The following SEC14L1 variants were observed in gnomAD, a reference collection of about 807,000 sequenced individuals.
SEC14L1 encodes the protein SEC14-like protein 1.
A neutral mutation model predicts 85.3 loss-of-function variants in SEC14L1; 48 were observed. The ratio of observed to expected loss-of-function variants is 0.56; its 90% CI spans 0.45 to 0.72. The LOEUF is 0.72. Ranked by LOEUF, SEC14L1 falls within the 30% of genes least tolerant of loss-of-function variation. The pLI is 0.00. For synonymous variants in SEC14L1, 391 were observed against 355.5 expected (o/e 1.10, Z -1.12); for missense variants, 682 against 921.4 (o/e 0.74, Z 3.36).
At chr17:77,186,929 T>C (rs968556230) in intron 3 of SEC14L1, among the ~76,000 whole-genome samples, 3 of 152,238 alleles carry the variant, frequency 2.0e-5, no homozygotes, top group Non-Finnish European at 4.4e-5. Flanking sequence ...AACTCTGTTT[T>C]TGGTTGTGAT....
intron 8 of SEC14L1, among the ~76,000 whole-genome samples, chr17:77,196,852 C>A (rs529443621): frequency 3.9e-5 from 6 of 152,338 alleles, no homozygotes; most frequent in African/African-American, 4.8e-5. Context: ...TAACTGAGTG[C>A]TGTTGAATAC....
chr17:77,207,029 A>G (rs1976496449), intron 13 of SEC14L1, among the ~76,000 whole-genome samples, 167 bp downstream of exon 13: 1 of 152,178 alleles, frequency 6.6e-6, no homozygotes, highest in African/African-American at 2.4e-5. Context: ...GCTAAAGAGA[A>G]CCATTGAAGT....
At chr17:77,116,519 C>G (rs1387895073) in intron 3 of SEC14L1, among the ~76,000 whole-genome samples, 3 of 152,048 alleles carry the variant, frequency 2.0e-5, no homozygotes, top group Admixed American at 1.3e-4. Flanking sequence ...AAGTAAAGTT[C>G]TGGAGTGGGA....
intron 3 of SEC14L1, among the ~76,000 whole-genome samples, chr17:77,163,712 G>A (rs528542405): frequency 6.6e-6 from 1 of 152,310 alleles, no homozygotes; most frequent in South Asian, 2.1e-4. Flanking sequence ...GATCAAAGGA[G>A]CGGCTCGCAG....
chr17:77,123,243 GATTCA>G (rs2099919881), intron 3 of SEC14L1, among the ~76,000 whole-genome samples: 1 of 151,334 alleles, frequency 6.6e-6, no homozygotes, highest in South Asian at 2.1e-4. Flanking sequence ...TAGAGATGGG[GATTCA>G]CCATGTTGGC....
chr17:77,119,757 A>C (rs940350966), intron 3 of SEC14L1, among the ~76,000 whole-genome samples: 3 of 152,192 alleles, frequency 2.0e-5, no homozygotes, highest in Admixed American at 6.5e-5. Flanking sequence ...TATTATGTAC[A>C]TAATCCCTGG....
intron 13 of SEC14L1, among the ~76,000 whole-genome samples, chr17:77,208,785 G>A (rs1419946746): frequency 6.6e-6 from 1 of 152,226 alleles, no homozygotes; most frequent in Non-Finnish European, 1.5e-5. Context: ...GAGTCATTGT[G>A]TCAAGGTCAA....
At position 77,209,419 on chromosome 17, in the gene SEC14L1, G is replaced by T. The variant is rs1446176479; in HGVS notation, c.1554G>T (p.Lys518Asn). 1.2e-6 allele frequency: 2 copies of T among 1,614,078 alleles called. No individual in the cohort carries two copies. The highest frequency in any genetic ancestry group is 2.7e-5 in the African/African-American group (2 of 74,932). Reference sequence around the variant, plus strand: ...AGGAGCTGGAGAACGAAGACCTGAAGCTCTGGACTGAGACCATCTACCAGT... The same window carrying T: ...AGGAGCTGGAGAACGAAGACCTGAATCTCTGGACTGAGACCATCTACCAGT... ...TAEELENEDL[K>N]LWTETIYQSA... The change falls in exon 14 of 17, where the codon AAG (lysine) becomes AAT (asparagine). Residue 518 changes from lysine to asparagine, a missense_variant. Around this residue, in one of 3 missense-constraint regions of SEC14L1, gnomAD observed 420 missense variants for 619.5 expected, o/e 0.68. Coordinates refer to ENST00000436233, the MANE Select transcript of SEC14L1 (RefSeq NM_001143998.2).
intron 3 of SEC14L1, among the ~76,000 whole-genome samples, chr17:77,186,411 C>G (rs1334976309): frequency 6.6e-6 from 1 of 152,258 alleles, no homozygotes; most frequent in Non-Finnish European, 1.5e-5. Context: ...TCCTCTCTCT[C>G]AAAGGCTTTC....
intron 3 of SEC14L1, among the ~76,000 whole-genome samples, chr17:77,154,869 C>T (rs1298988594): frequency 6.6e-6 from 1 of 152,118 alleles, no homozygotes; most frequent in African/African-American, 2.4e-5. Flanking sequence ...GTCCTTACTT[C>T]TTTTCCTTTT....
chr17:77,205,146 C>A, intron 10 of SEC14L1, 130 bp from the exon 11 acceptor site: 1 of 713,196 alleles, frequency 1.4e-6, no homozygotes, highest in Non-Finnish European at 2.4e-6. Flanking sequence ...GTAAGAAAAT[C>A]TCCATAGGTG....
intron 2 of SEC14L1, among the ~76,000 whole-genome samples, chr17:77,090,969 C>CAA (rs760589758): frequency 4.5e-5 from 4 of 89,756 alleles, no homozygotes; most frequent in African/African-American, 8.5e-5. Flanking sequence ...GACCCTGTCT[C>CAA]AAAAAAAAAA....
intron 3 of SEC14L1, chr17:77,180,928 T>TA (rs1425953608): frequency 6.6e-6 from 1 of 152,242 alleles, no homozygotes; most frequent in Non-Finnish European, 1.5e-5. Context: ...TTTCTCTTGG[T>TA]AGCCTTCTGA....
chr17:77,152,343 C>T (rs1319444318), intron 3 of SEC14L1, among the ~76,000 whole-genome samples: 1 of 152,056 alleles, frequency 6.6e-6, no homozygotes, highest in East Asian at 1.9e-4. Flanking sequence ...TGAGACCAGC[C>T]TAGCCAACAT....
At chr17:77,102,354 G>A (rs531832651) in intron 3 of SEC14L1, among the ~76,000 whole-genome samples, 1 of 152,248 alleles carries the variant, frequency 6.6e-6, no homozygotes, top group African/African-American at 2.4e-5. Flanking sequence ...TCAGGTCCTT[G>A]GGGAAACATG....
chr17:77,205,336 C>T lies in SEC14L1; in HGVS notation c.1159C>T (p.Arg387Trp), dbSNP rs749805474. Residue 387 changes from arginine to tryptophan, a missense_variant, in exon 11 of 17, where the codon CGG becomes TGG. By Grantham distance (101) the Arg-to-Trp change is moderately radical. Around this residue, in one of 3 missense-constraint regions of SEC14L1, gnomAD observed 420 missense variants for 619.5 expected, o/e 0.68. Transcript: ENST00000436233. ...RCEENTKVFG[R>W]PISSWTCLVD... ...CGAAGAGAATACAAAAGTCTTTGGT[C>T]GGCCTATCAGGTAGATGTGGGATTT... 1.2e-5 allele frequency: 20 copies of T among 1,613,878 alleles called. No homozygotes were observed. In the East Asian group the frequency reaches 1.3e-4, roughly 11 times the overall value.
At chr17:77,125,773 C>G (rs1972431402) in intron 3 of SEC14L1, among the ~76,000 whole-genome samples, 1 of 152,154 alleles carries the variant, frequency 6.6e-6, no homozygotes, top group African/African-American at 2.4e-5. Flanking sequence ...CACCAATAGG[C>G]TTTTCACCGT....
At chr17:77,139,315 G>A (rs1972894399), upstream of SEC14L1, among the ~76,000 whole-genome samples, 1 of 151,882 alleles carries the variant, frequency 6.6e-6, no homozygotes, top group Non-Finnish European at 1.5e-5. Flanking sequence ...GGGATTACAG[G>A]CATCTGGCAC....
intron 3 of SEC14L1, among the ~76,000 whole-genome samples, chr17:77,152,894 C>G (rs1046594060): frequency 2.0e-5 from 3 of 152,064 alleles, no homozygotes; most frequent in Non-Finnish European, 2.9e-5. Context: ...TCTCCCTTTC[C>G]TTTTGTTTCC....
Sources: allele counts gnomAD v4.1 joint callset (sites outside exome capture counted in the v4.1 genomes callset), GRCh38; gene constraint gnomAD v4.1.1; regional missense constraint gnomAD v4.1.1; transcripts MANE v1.5; gene names NCBI Gene and HGNC (gene_info 2026-07-23, HGNC 2026-07-21).